ADAMTS3: variants seen among roughly 807,000 people sequenced by gnomAD.
The protein encoded by ADAMTS3 is A disintegrin and metalloproteinase with thrombospondin motifs 3.
In ADAMTS3, 73 loss-of-function variants were observed where a neutral mutation model predicts 129.0. The observed-to-expected ratio is 0.57, with a 90% CI of 0.47 to 0.69. The LOEUF is 0.69. Ranked by LOEUF, ADAMTS3 falls within the 30% of genes least tolerant of loss-of-function variation. The pLI, the probability that ADAMTS3 is intolerant of heterozygous loss-of-function variation, is 0.00. For missense variants in ADAMTS3, 1,457 were observed against 1,514.5 expected, an observed-to-expected ratio of 0.96 and a Z score of 0.63; for synonymous variants, 477 against 510.8, an observed-to-expected ratio of 0.93 and a Z score of 0.89.
intron 6 of ADAMTS3, among the ~76,000 whole-genome samples, chr4:72,322,202 T>C (rs906522111): frequency 6.6e-6 from 1 of 152,200 alleles, no homozygotes; most frequent in African/African-American, 2.4e-5. Context: ...AATAGATTGA[T>C]GACACTCTAT....
chr4:72,474,614 T>C (rs1719175182), intron 3 of ADAMTS3, among the ~76,000 whole-genome samples: 1 of 152,188 alleles, frequency 6.6e-6, no homozygotes, highest in Non-Finnish European at 1.5e-5. Flanking sequence ...AAAGTTTCCA[T>C]ACTTCATTCA....
intron 17 of ADAMTS3, among the ~76,000 whole-genome samples, chr4:72,302,914 C>G (rs1018042679): frequency 2.6e-5 from 4 of 152,132 alleles, no homozygotes; most frequent in African/African-American, 9.7e-5. Flanking sequence ...TTCTTCACAG[C>G]AGGCTGAGGC....
chr4:72,377,904 G>C (rs1450218500), intron 4 of ADAMTS3, among the ~76,000 whole-genome samples: 1 of 152,184 alleles, frequency 6.6e-6, no homozygotes, highest in Admixed American at 6.6e-5. Context: ...GGGAATAACA[G>C]AGTGTGAGCA....
chr4:72,458,808 T>C (rs949836684), intron 3 of ADAMTS3, among the ~76,000 whole-genome samples: 12 of 151,510 alleles, frequency 7.9e-5, no homozygotes, highest in African/African-American at 2.9e-4. Flanking sequence ...AAAGAGTTTC[T>C]ACTCGTAAGT....
chr4:72,297,084 C>T (rs1718829425), intron 18 of ADAMTS3, among the ~76,000 whole-genome samples: 1 of 152,054 alleles, frequency 6.6e-6, no homozygotes, highest in Non-Finnish European at 1.5e-5. Flanking sequence ...GGATTTTAAT[C>T]TGGGAAATAA....
chr4:72,430,667 C>T (rs1352294209), intron 3 of ADAMTS3, among the ~76,000 whole-genome samples: 4 of 151,732 alleles, frequency 2.6e-5, no homozygotes, highest in Admixed American at 1.3e-4. Context: ...ATCTGTTCTA[C>T]AACGATGGAA....
chr4:72,359,883 CTAACAT>C (rs1560485861), intron 4 of ADAMTS3, among the ~76,000 whole-genome samples: 3 of 151,908 alleles, frequency 2.0e-5, no homozygotes, highest in Non-Finnish European at 2.9e-5. Context: ...AAATTATACT[CTAACAT>C]TAAGTATTAT....
chr4:72,339,433 C>G, intron 5 of ADAMTS3, 61 bp downstream of exon 5: 4 of 1,550,994 alleles, frequency 2.6e-6, no homozygotes, highest in Non-Finnish European at 2.7e-6. Flanking sequence ...CCAAAGGGTA[C>G]CAACAAATAA....
At chr4:72,472,611 T>G (rs1719102217) in intron 3 of ADAMTS3, among the ~76,000 whole-genome samples, 1 of 152,110 alleles carries the variant, frequency 6.6e-6, no homozygotes. Context: ...TAAGGAGACA[T>G]TAAAATTAGA....
At chr4:72,406,243 G>A (rs1722047986) in intron 4 of ADAMTS3, among the ~76,000 whole-genome samples, 1 of 152,202 alleles carries the variant, frequency 6.6e-6, no homozygotes, top group Middle Eastern at 3.4e-3. Context: ...AACAGGGCTA[G>A]CAGATACCAT....
At chr4:72,548,988 T>G in intron 2 of ADAMTS3, 104 bp from the exon 3 acceptor site, 4 of 1,008,636 alleles carry the variant, frequency 4.0e-6, no homozygotes, top group Non-Finnish European at 2.8e-6. Context: ...TACTTCAATG[T>G]GCATAATATA....
intron 19 of ADAMTS3, 47 bp from the exon 20 acceptor site, chr4:72,291,109 G>A: frequency 3.1e-6 from 5 of 1,592,704 alleles, no homozygotes; most frequent in Non-Finnish European, 4.3e-6. Context: ...GGTATGTATA[G>A]TGTACACATT....
intron 3 of ADAMTS3, among the ~76,000 whole-genome samples, chr4:72,530,762 T>G (rs1721013495): frequency 2.5e-4 from 1 of 3,942 alleles, no homozygotes; most frequent in African/African-American, 6.7e-4. Flanking sequence ...TTATATATTA[T>G]ATAGATTATA....
Position 72,569,043 on chromosome 4 carries a change from C to G in ADAMTS3, c.-281G>C. ...GTGCTGTAAGCGGGCACAGGCTAAGCCTGGGAGAGGGGGAAGGGACGAGGG... is the reference window on the plus strand; with the variant it reads ...GTGCTGTAAGCGGGCACAGGCTAAGGCTGGGAGAGGGGGAAGGGACGAGGG... On this transcript the variant is annotated 5_prime_UTR_variant, in exon 1 of 22. Transcript: ENST00000286657. 2.0e-6 allele frequency: 1 copy of G among 502,438 alleles called. No homozygotes were observed. Among genetic ancestry groups the G allele is most frequent in the East Asian group, 3.4e-5 (1 of 28,998 alleles). The allele number at this position is 502,438 out of a possible 1,614,324, so 31.1% of individuals were successfully genotyped here.
In ADAMTS3 at chr4:72,298,507, C is replaced by T. The variant is rs1039960786; in HGVS notation, c.2425-65G>A. Reference sequence around the variant, plus strand: ...GTTTTAAATTTTGAGTGTAAAATTACAAATATTTCAGAATATTGCTCTTAT... The same window carrying T: ...GTTTTAAATTTTGAGTGTAAAATTATAAATATTTCAGAATATTGCTCTTAT... On this transcript the variant is annotated intron_variant, in intron 17 of 21. Transcript: ENST00000286657. The T allele has an allele frequency of 4.0e-6, 5 of 1,265,230 alleles. No individual in the cohort carries two copies. In the African/African-American group the frequency reaches 6.0e-5, roughly 15 times the overall value. The allele number at this position is 1,265,230 out of a possible 1,614,324, so 78.4% of individuals were successfully genotyped here.
chr4:72,517,958 T>C (rs1180299588), intron 3 of ADAMTS3, among the ~76,000 whole-genome samples: 3 of 151,408 alleles, frequency 2.0e-5, no homozygotes, highest in Non-Finnish European at 3.0e-5. Flanking sequence ...TTTCCTGCTT[T>C]CTCTTGTGGG....
intron 3 of ADAMTS3, among the ~76,000 whole-genome samples, chr4:72,456,499 A>T (rs1718623936): frequency 6.7e-6 from 1 of 148,804 alleles, no homozygotes; most frequent in Admixed American, 6.8e-5. Flanking sequence ...CAAAACCTAA[A>T]TCCACCCATG....
intron 3 of ADAMTS3, among the ~76,000 whole-genome samples, chr4:72,454,451 T>C (rs1186510613): frequency 6.6e-6 from 1 of 151,810 alleles, no homozygotes; most frequent in Non-Finnish European, 1.5e-5. Context: ...TGGTTTGTAG[T>C]AGTTTGGCTT....
chr4:72,352,709 A>G (rs1296890280), intron 4 of ADAMTS3, among the ~76,000 whole-genome samples: 1 of 152,044 alleles, frequency 6.6e-6, no homozygotes, highest in East Asian at 1.9e-4. Context: ...GAATGTGTCA[A>G]CAGAGGAGGT....
Sources: allele counts gnomAD v4.1 joint callset (sites outside exome capture counted in the v4.1 genomes callset), GRCh38; gene constraint gnomAD v4.1.1; transcripts MANE v1.5; gene names NCBI Gene and HGNC (gene_info 2026-07-23, HGNC 2026-07-21).